The following QTGAL variants were observed in gnomAD, a reference collection of about 807,000 sequenced individuals.
The protein encoded by QTGAL is queuosine-tRNA galactosyltransferase, also known as BGnT-like protein 1.
chr17:82,970,568 G>GCACCCGGCATGGCCGCGACCTCCC, the QTGAL span, among the ~76,000 whole-genome samples: 2 of 39,488 alleles, frequency 5.1e-5, no homozygotes, highest in Non-Finnish European at 1.1e-4. Context: ...CGCGACCTCC[G>GCACCCGGCATGGCCGCGACCTCCC]CACCCGGCGT....
At chr17:82,955,322 CAAAAG>C in the QTGAL span, among the ~76,000 whole-genome samples, 4 of 152,116 alleles carry the variant, frequency 2.6e-5, no homozygotes, top group African/African-American at 9.7e-5. Flanking sequence ...AGACACTTCT[CAAAAG>C]AAGACATGTG....
chr17:82,951,355 G>C, the QTGAL span, among the ~76,000 whole-genome samples: 371 of 152,302 alleles, frequency 2.4e-3, 2 homozygotes, highest in Admixed American at 7.2e-3. Context: ...AGCCTTGTGG[G>C]CCAACCTCTG....
the QTGAL span, among the ~76,000 whole-genome samples, chr17:83,032,896 C>G: frequency 6.6e-6 from 1 of 152,194 alleles, no homozygotes; most frequent in African/African-American, 2.4e-5. Context: ...CACGGGCACG[C>G]CTCTCCCAAA....
the QTGAL span, among the ~76,000 whole-genome samples, chr17:83,012,681 C>A: frequency 1.3e-5 from 2 of 152,154 alleles, no homozygotes; most frequent in Admixed American, 1.3e-4. Flanking sequence ...CCTCCATGTG[C>A]GATATCTCAC....
the QTGAL span, among the ~76,000 whole-genome samples, chr17:82,997,650 C>T: frequency 6.6e-6 from 1 of 152,124 alleles, no homozygotes; most frequent in African/African-American, 2.4e-5. Flanking sequence ...TCTATCATCA[C>T]ATGAATGAAT....
chr17:83,011,115 G>T, the QTGAL span, among the ~76,000 whole-genome samples: 1 of 152,176 alleles, frequency 6.6e-6, no homozygotes, highest in South Asian at 2.1e-4. Flanking sequence ...TTTCCTCTCC[G>T]ATGTCTCCTG....
At chr17:82,943,746 C>T in the QTGAL span, 1 of 152,226 alleles carries the variant, frequency 6.6e-6, no homozygotes, top group African/African-American at 2.4e-5. Context: ...TGTGTTTGAC[C>T]TGGTGGCCAA....
At chr17:83,007,623 G>A in the QTGAL span, among the ~76,000 whole-genome samples, 5 of 152,194 alleles carry the variant, frequency 3.3e-5, no homozygotes, top group South Asian at 4.1e-4. Context: ...CCTGGATCCC[G>A]CTGGGGCATG....
the QTGAL span, chr17:82,945,640 C>T: frequency 6.6e-6 from 1 of 152,086 alleles, no homozygotes; most frequent in Non-Finnish European, 1.5e-5. Context: ...TTAATCTTGG[C>T]TTAATATTTG....
chr17:83,006,979 C>T, the QTGAL span: 17 of 414,472 alleles, frequency 4.1e-5, no homozygotes, highest in African/African-American at 3.3e-4. This position sits in a 1 kb window ranked among gnomAD's most constrained non-coding sequence, Gnocchi z 5.8. Context: ...CTCTGCCTCT[C>T]GCCAGCACTG....
At chr17:82,962,357 A>C in the QTGAL span, among the ~76,000 whole-genome samples, 1 of 152,240 alleles carries the variant, frequency 6.6e-6, no homozygotes, top group Non-Finnish European at 1.5e-5. Context: ...CAAAGAACAG[A>C]CCTCAAAATC....
chr17:82,965,707 A>C, the QTGAL span: 1 of 1,612,888 alleles, frequency 6.2e-7, no homozygotes, highest in Non-Finnish European at 8.5e-7. Flanking sequence ...GAGCAGAACC[A>C]GGTGGGCATG....
chr17:82,968,403 TC>T, the QTGAL span, among the ~76,000 whole-genome samples: 1 of 152,020 alleles, frequency 6.6e-6, no homozygotes, highest in African/African-American at 2.4e-5. Context: ...AGGGAGGCAG[TC>T]ACCAGTGTGC....
chr17:83,019,980 C>T, the QTGAL span, among the ~76,000 whole-genome samples: 16 of 152,272 alleles, frequency 1.1e-4, no homozygotes, highest in African/African-American at 2.9e-4. Context: ...GTGATCCACC[C>T]GCCTTGGCCT....
chr17:83,049,414 T>G, the QTGAL span, among the ~76,000 whole-genome samples: 2 of 144,352 alleles, frequency 1.4e-5, no homozygotes, highest in African/African-American at 2.7e-5. Context: ...ACTGGTTGGT[T>G]TTTTTTTTTT....
At chr17:82,942,201 A>G in the QTGAL span, 1 of 553,784 alleles carries the variant, frequency 1.8e-6, no homozygotes, top group South Asian at 2.6e-5. Flanking sequence ...GTGTGAATGC[A>G]GGTTAAGAGC....
At chr17:82,987,232 C>T in the QTGAL span, among the ~76,000 whole-genome samples, 1 of 151,976 alleles carries the variant, frequency 6.6e-6, no homozygotes, top group Non-Finnish European at 1.5e-5. Context: ...TACTATGTGT[C>T]CATAAAAATT....
the QTGAL span, among the ~76,000 whole-genome samples, chr17:83,015,940 G>C: frequency 2.0e-5 from 3 of 152,164 alleles, no homozygotes; most frequent in African/African-American, 7.2e-5. The surrounding 1 kb of genome is among the most constrained non-coding windows in gnomAD (Gnocchi z 4.4). Context: ...GGGGACCACG[G>C]ATATAAACCA....
the QTGAL span, among the ~76,000 whole-genome samples, chr17:82,974,029 C>A: frequency 0.13 from 19,156 of 152,246 alleles, 1,255 homozygotes; most frequent in Non-Finnish European, 0.14. Flanking sequence ...GAGAGGGTGT[C>A]GTGGACCAGC....
Sources: allele counts gnomAD v4.1 joint callset (sites outside exome capture counted in the v4.1 genomes callset), GRCh38; gene constraint gnomAD v4.1.1; non-coding constraint Gnocchi (gnomAD v3.1); transcripts MANE v1.5; gene names NCBI Gene and HGNC (gene_info 2026-07-23, HGNC 2026-07-21).